CNTN5: variants seen among roughly 807,000 people sequenced by gnomAD.
CNTN5 encodes contactin-5.
In CNTN5, 77 loss-of-function variants were observed where a neutral mutation model predicts 129.1. The observed-to-expected ratio is 0.60, with a 90% CI of 0.50 to 0.72. The LOEUF (loss-of-function observed/expected upper bound fraction) is 0.72, where lower values mean the gene tolerates loss of function less well. CNTN5 is among the 30% of genes least tolerant of loss of function. The pLI, the probability that CNTN5 is intolerant of heterozygous loss-of-function variation, is 0.00. For missense variants in CNTN5, 1,478 were observed against 1,328.8 expected, an observed-to-expected ratio of 1.11 and a Z score of -1.75; for synonymous variants, 509 against 465.6, an observed-to-expected ratio of 1.09 and a Z score of -1.20.
chr11:100,028,919 T>C (rs1941564318), intron 9 of CNTN5, among the ~76,000 whole-genome samples: 1 of 152,238 alleles, frequency 6.6e-6, no homozygotes, highest in South Asian at 2.1e-4. Flanking sequence ...AGGTCTAGGG[T>C]GACATTTTAC....
At chr11:99,038,085 T>G (rs1863831832) in intron 1 of CNTN5, among the ~76,000 whole-genome samples, 1 of 152,062 alleles carries the variant, frequency 6.6e-6, no homozygotes, top group Admixed American at 6.6e-5. Context: ...CATTGAAAAA[T>G]ACTTCATAAA....
chr11:99,047,371 T>C (rs1471533536), intron 1 of CNTN5, among the ~76,000 whole-genome samples: 2 of 148,114 alleles, frequency 1.4e-5, no homozygotes, highest in African/African-American at 4.9e-5. Flanking sequence ...CTGATCTTAT[T>C]GAATTTTGGC....
intron 16 of CNTN5, among the ~76,000 whole-genome samples, chr11:100,252,506 C>A (rs950883135): frequency 6.6e-6 from 1 of 152,046 alleles, no homozygotes; most frequent in Non-Finnish European, 1.5e-5. Flanking sequence ...GGTCCTGAAG[C>A]ACTTCCTCTA....
At chr11:100,247,686 C>T (rs1258990791) in intron 16 of CNTN5, among the ~76,000 whole-genome samples, 2 of 152,014 alleles carry the variant, frequency 1.3e-5, no homozygotes, top group Non-Finnish European at 2.9e-5. Context: ...AAGGGTATAC[C>T]ATAATTCTTC....
At chr11:99,371,334 A>G (rs1456832942) in intron 2 of CNTN5, among the ~76,000 whole-genome samples, 3 of 151,988 alleles carry the variant, frequency 2.0e-5, no homozygotes, top group Admixed American at 2.0e-4. Context: ...TATATGAAAT[A>G]ATTATACATA....
intron 3 of CNTN5, among the ~76,000 whole-genome samples, chr11:99,740,697 G>A (rs1565480130): frequency 6.6e-6 from 1 of 152,180 alleles, no homozygotes; most frequent in Non-Finnish European, 1.5e-5. Flanking sequence ...TGCACCATCA[G>A]AGGTTGCAGC....
At chr11:99,889,333 TGTGTG>T (rs1565642866) in intron 6 of CNTN5, among the ~76,000 whole-genome samples, 2 of 61,568 alleles carry the variant, frequency 3.2e-5, no homozygotes, top group African/African-American at 9.4e-5. Context: ...TGTGTGTGTG[TGTGTG>T]TGTGTGTGTG....
chr11:100,178,539 T>C (rs1208788353), intron 13 of CNTN5, among the ~76,000 whole-genome samples: 1 of 152,130 alleles, frequency 6.6e-6, no homozygotes. Flanking sequence ...TGGACAAAGA[T>C]TGTACCTTAA....
intron 1 of CNTN5, among the ~76,000 whole-genome samples, chr11:99,316,485 C>A (rs933350447): frequency 2.6e-5 from 4 of 151,962 alleles, no homozygotes; most frequent in Non-Finnish European, 5.9e-5. Flanking sequence ...AGGTAATGAT[C>A]GCTGAGACTC....
intron 13 of CNTN5, among the ~76,000 whole-genome samples, chr11:100,086,915 A>G (rs566728901): frequency 6.6e-6 from 1 of 151,818 alleles, no homozygotes; most frequent in Non-Finnish European, 1.5e-5. Flanking sequence ...TATTTATGTT[A>G]CAAAAGAGGG....
chr11:99,405,095 T>C (rs918719801), intron 2 of CNTN5, among the ~76,000 whole-genome samples: 2 of 152,186 alleles, frequency 1.3e-5, no homozygotes, highest in East Asian at 1.9e-4. Flanking sequence ...ACCAGATGTA[T>C]TGGAGCTCCA....
chr11:99,610,580 C>T (rs905267172), intron 3 of CNTN5, among the ~76,000 whole-genome samples: 18 of 152,204 alleles, frequency 1.2e-4, no homozygotes, highest in African/African-American at 4.3e-4. Flanking sequence ...AGGATGGTGA[C>T]ATTTATATAA....
At chr11:99,785,391 G>C (rs935390886) in intron 3 of CNTN5, among the ~76,000 whole-genome samples, 1 of 152,046 alleles carries the variant, frequency 6.6e-6, no homozygotes. Flanking sequence ...CTGTGCAGAA[G>C]CTCTTTAGTT....
rs34929598 is a variant in CNTN5 at position 100,102,478 on chromosome 11, CAG to C, written c.1580+28186_1580+28187del. On this transcript the variant is annotated intron_variant, in intron 13 of 24. Coordinates refer to ENST00000524871, the MANE Select transcript of CNTN5 (RefSeq NM_014361.4). Reference sequence around the variant, plus strand: ...AGAGAAGTATAAAATATTTAAAAGACAGAAAGAATGTAGAGCCTTTGGAATAA... The same window carrying C: ...AGAGAAGTATAAAATATTTAAAAGACAAAGAATGTAGAGCCTTTGGAATAA... Among the ~76,000 whole-genome samples the C allele has an allele frequency of 8.2e-3, 1,245 of 151,812 alleles. 21 individuals are homozygous for C. The highest frequency in any genetic ancestry group is 0.028 in the African/African-American group (1,169 of 41,408).
intron 1 of CNTN5, among the ~76,000 whole-genome samples, chr11:99,057,208 T>A (rs114760188): frequency 0.013 from 2,050 of 151,932 alleles, 48 homozygotes; most frequent in African/African-American, 0.047. Context: ...GTGAGCCAGA[T>A]CTGTTTATCC....
intron 1 of CNTN5, among the ~76,000 whole-genome samples, chr11:99,190,762 G>T (rs1236798510): frequency 6.6e-6 from 1 of 151,304 alleles, no homozygotes; most frequent in Non-Finnish European, 1.5e-5. Flanking sequence ...TACTGAATTT[G>T]TTACTTTTAT....
intron 3 of CNTN5, among the ~76,000 whole-genome samples, chr11:99,754,869 C>T (rs545441373): frequency 6.6e-6 from 1 of 152,296 alleles, no homozygotes; most frequent in Non-Finnish European, 1.5e-5. Context: ...ATTATAGTAT[C>T]ATGCAGAGTA....
At chr11:99,248,812 C>T (rs1302665291) in intron 1 of CNTN5, among the ~76,000 whole-genome samples, 1 of 152,030 alleles carries the variant, frequency 6.6e-6, no homozygotes, top group East Asian at 1.9e-4. Flanking sequence ...CAGTTCTGTT[C>T]CATTGGTCTG....
At chr11:99,903,951 C>G (rs1001929386) in intron 6 of CNTN5, among the ~76,000 whole-genome samples, 3 of 152,000 alleles carry the variant, frequency 2.0e-5, no homozygotes, top group African/African-American at 7.2e-5. Context: ...TCAAATCAGA[C>G]CACAATGAGA....
Sources: allele counts gnomAD v4.1 joint callset (sites outside exome capture counted in the v4.1 genomes callset), GRCh38; gene constraint gnomAD v4.1.1; transcripts MANE v1.5; gene names NCBI Gene and HGNC (gene_info 2026-07-23, HGNC 2026-07-21).